LSAMP: variants seen among roughly 807,000 people sequenced by gnomAD.
LSAMP encodes the protein limbic system associated membrane protein, also known as limbic system-associated membrane protein.
A neutral mutation model predicts 38.6 loss-of-function variants in LSAMP; 7 were observed. The observed-to-expected ratio is 0.18, with a 90% CI of 0.10 to 0.34. The LOEUF is 0.34. Ranked by LOEUF, LSAMP falls within the 10% of genes least tolerant of loss-of-function variation. The pLI is 1.00. For missense variants in LSAMP, 313 were observed against 420.0 expected, an observed-to-expected ratio of 0.75 and a Z score of 2.23; for synonymous variants, 154 against 166.8, an observed-to-expected ratio of 0.92 and a Z score of 0.59.
chr3:116,444,555 C>T (rs908858908), intron 1 of LSAMP, among the ~76,000 whole-genome samples: 1 of 152,016 alleles, frequency 6.6e-6, no homozygotes, highest in African/African-American at 2.4e-5. Context: ...GAATACTGCC[C>T]AGAAGTCACT....
intron 2 of LSAMP, among the ~76,000 whole-genome samples, chr3:116,057,956 CCCACACACACA>C: frequency 1.8e-5 from 2 of 109,270 alleles, no homozygotes; most frequent in South Asian, 5.0e-4. Context: ...CACACACACA[CCCACACACACA>C]CACACACACA....
At position 116,041,810 on chromosome 3, in the gene LSAMP, AC is replaced by A. The variant is rs1559930949; in HGVS notation, c.389-22171del. ...ATGAAAGCATGCAAAAAAAAACAAA[AC>A]AAAACAAAAAAAAAACACCTTGATT... On this transcript the variant is annotated intron_variant, in intron 2 of 6. Transcript: ENST00000490035. Among the ~76,000 whole-genome samples, 837 of 147,590 alleles carry A rather than the reference AC, an allele frequency of 5.7e-3. 20 individuals are homozygous for A. Among genetic ancestry groups the A allele is most frequent in the African/African-American group, 0.02 (773 of 38,828 alleles).
At chr3:115,836,491 C>T (rs1173937900) in intron 6 of LSAMP, among the ~76,000 whole-genome samples, 2 of 152,166 alleles carry the variant, frequency 1.3e-5, no homozygotes, top group Non-Finnish European at 2.9e-5. Context: ...ATGCACTTCT[C>T]CTTTGGCAGC....
chr3:116,292,446 G>GA (rs972245719), intron 1 of LSAMP, among the ~76,000 whole-genome samples: 2 of 152,132 alleles, frequency 1.3e-5, no homozygotes, highest in African/African-American at 4.8e-5. Flanking sequence ...CAGAGGGTTA[G>GA]AAAAAATACC....
intron 1 of LSAMP, among the ~76,000 whole-genome samples, chr3:116,122,012 G>A (rs1251282184): frequency 6.6e-6 from 1 of 151,506 alleles, no homozygotes; most frequent in Non-Finnish European, 1.5e-5. Flanking sequence ...CTGTTCTAGA[G>A]TCTGTGCTGT....
intron 3 of LSAMP, among the ~76,000 whole-genome samples, chr3:116,001,254 T>A (rs1034249337): frequency 1.3e-5 from 2 of 152,176 alleles, no homozygotes; most frequent in African/African-American, 4.8e-5. Flanking sequence ...CAGTTGAACA[T>A]AATACAATTC....
At chr3:116,266,462 A>G (rs1447969615) in intron 1 of LSAMP, among the ~76,000 whole-genome samples, 2 of 152,194 alleles carry the variant, frequency 1.3e-5, no homozygotes, top group Non-Finnish European at 2.9e-5. Flanking sequence ...TGAAACCAAG[A>G]GACAAAAGGA....
intron 1 of LSAMP, among the ~76,000 whole-genome samples, chr3:116,102,397 A>T (rs2107452393): frequency 6.6e-6 from 1 of 152,304 alleles, no homozygotes; most frequent in African/African-American, 2.4e-5. Flanking sequence ...GATTAATTTT[A>T]TTTGTCTAAC....
At chr3:116,276,006 A>G (rs2047047420) in intron 1 of LSAMP, among the ~76,000 whole-genome samples, 1 of 152,226 alleles carries the variant, frequency 6.6e-6, no homozygotes, top group Non-Finnish European at 1.5e-5. Context: ...GAGACAGAAA[A>G]CAACCTTGAA....
At chr3:116,279,781 A>G (rs1417619644) in intron 1 of LSAMP, among the ~76,000 whole-genome samples, 1 of 152,202 alleles carries the variant, frequency 6.6e-6, no homozygotes. Context: ...GAAAATGATA[A>G]GCATTTTCCC....
intron 1 of LSAMP, among the ~76,000 whole-genome samples, chr3:116,310,911 GTTGT>G (rs778761434): frequency 1.5e-4 from 8 of 51,614 alleles, no homozygotes; most frequent in African/African-American, 1.5e-4. Context: ...ATGATGATAA[GTTGT>G]TTTTTTTTTT....
At chr3:116,101,698 A>T (rs1026612595) in intron 1 of LSAMP, among the ~76,000 whole-genome samples, 1 of 152,192 alleles carries the variant, frequency 6.6e-6, no homozygotes, top group Non-Finnish European at 1.5e-5. Context: ...CTTATCATCC[A>T]AACAGTAAAT....
At chr3:116,307,546 T>A (rs1462468777) in intron 1 of LSAMP, among the ~76,000 whole-genome samples, 1 of 151,872 alleles carries the variant, frequency 6.6e-6, no homozygotes, top group Non-Finnish European at 1.5e-5. Context: ...ACCAAGAAAA[T>A]CTCCTGGTGC....
chr3:116,373,783 G>T (rs914785748), intron 1 of LSAMP, among the ~76,000 whole-genome samples: 4 of 151,888 alleles, frequency 2.6e-5, no homozygotes, highest in African/African-American at 9.7e-5. Context: ...AGGGATTCCA[G>T]TAGTGTGAGC....
At chr3:116,020,696 A>AG (rs1940614377) in intron 2 of LSAMP, among the ~76,000 whole-genome samples, 1 of 152,186 alleles carries the variant, frequency 6.6e-6, no homozygotes, top group Non-Finnish European at 1.5e-5. Context: ...ACACGTCGGT[A>AG]GGCTTAAGTG....
intron 3 of LSAMP, among the ~76,000 whole-genome samples, chr3:115,927,302 A>C (rs1229521729): frequency 6.6e-6 from 1 of 152,200 alleles, no homozygotes; most frequent in African/African-American, 2.4e-5. Context: ...AGAGCAATGG[A>C]GTGAAACAGC....
intron 1 of LSAMP, among the ~76,000 whole-genome samples, chr3:116,101,350 T>C (rs1708343178): frequency 6.6e-6 from 1 of 152,254 alleles, no homozygotes; most frequent in Admixed American, 6.5e-5. Flanking sequence ...AGAAAAATGA[T>C]GATATCTATG....
At chr3:116,193,633 A>C (rs908246818) in intron 1 of LSAMP, among the ~76,000 whole-genome samples, 4 of 152,218 alleles carry the variant, frequency 2.6e-5, no homozygotes, top group African/African-American at 9.7e-5. Context: ...CTCGTTTTGC[A>C]ACACATGCTT....
intron 2 of LSAMP, among the ~76,000 whole-genome samples, chr3:116,062,076 A>T (rs1941603691): frequency 1.3e-5 from 2 of 152,242 alleles, no homozygotes; most frequent in African/African-American, 4.8e-5. Context: ...TATTTAAAAA[A>T]CATGTTCATA....
Sources: gnomAD v4.1 joint callset for allele counts (sites outside exome capture counted in the v4.1 genomes callset) on GRCh38, gnomAD v4.1.1 for gene constraint, MANE v1.5 for transcripts, NCBI Gene and HGNC (gene_info 2026-07-23, HGNC 2026-07-21) for gene names.